RGS9: variants seen among roughly 807,000 people sequenced by gnomAD.
The protein encoded by RGS9 is regulator of G-protein signalling 9.
In RGS9, 78 loss-of-function variants were observed where a neutral mutation model predicts 102.0. The ratio of observed to expected loss-of-function variants is 0.76; its 90% CI spans 0.64 to 0.92. RGS9 has a LOEUF of 0.92. RGS9 is among the 40% of genes least tolerant of loss of function. The pLI is 0.00. For missense variants in RGS9, 833 were observed against 866.1 expected, an observed-to-expected ratio of 0.96 and a Z score of 0.48; for synonymous variants, 353 against 318.6, an observed-to-expected ratio of 1.11 and a Z score of -1.15.
chr17:65,195,765 G>T (rs962591746), intron 12 of RGS9, among the ~76,000 whole-genome samples: 1 of 152,186 alleles, frequency 6.6e-6, no homozygotes, highest in Non-Finnish European at 1.5e-5. Context: ...TTATTTGGTT[G>T]GCCTGGGTTG....
chr17:65,218,390 T>G (rs753435346), intron 17 of RGS9, among the ~76,000 whole-genome samples: 11 of 152,254 alleles, frequency 7.2e-5, no homozygotes, highest in Non-Finnish European at 1.5e-4. Flanking sequence ...TAAACATCGC[T>G]AAATGAACAC....
At position 65,217,306 on chromosome 17, in the gene RGS9, G is replaced by A. The variant is rs185417228; in HGVS notation, c.1407+6701G>A. Among the ~76,000 whole-genome samples, 14 of 152,338 alleles carry A rather than the reference G, an allele frequency of 9.2e-5. No homozygotes were observed. In the East Asian group the frequency reaches 2.7e-3, roughly 29 times the overall value. ...ATCTCATCCCCTGCTGTGGACCTGG[G>A]AGTCCCTCCTGGCCCACACAGGACT... On this transcript the variant is annotated intron_variant, in intron 17 of 18. Transcript: ENST00000262406.
intron 13 of RGS9, 64 bp downstream of exon 13, chr17:65,197,305 T>C (rs1912634408): frequency 1.9e-6 from 2 of 1,068,328 alleles, no homozygotes; most frequent in Admixed American, 4.0e-5. Flanking sequence ...CTTTAATGTC[T>C]AGCCTAGGGT....
intron 17 of RGS9, 142 bp from the exon 18 acceptor site, chr17:65,224,860 T>A: frequency 1.7e-6 from 2 of 1,146,510 alleles, no homozygotes; most frequent in East Asian, 2.3e-5. Flanking sequence ...TGGACACCGT[T>A]CCCAGCTCCC....
intron 1 of RGS9, among the ~76,000 whole-genome samples, chr17:65,150,649 G>A (rs1910542914): frequency 6.6e-6 from 1 of 152,008 alleles, no homozygotes; most frequent in Non-Finnish European, 1.5e-5. Context: ...ATAAACCTAG[G>A]AGGAGTCCTT....
intron 2 of RGS9, among the ~76,000 whole-genome samples, chr17:65,156,043 A>C (rs578086094): frequency 2.6e-5 from 4 of 151,828 alleles, no homozygotes; most frequent in Non-Finnish European, 5.9e-5. Flanking sequence ...CTTTTTTTTG[A>C]GACAGGGTCT....
chr17:65,157,300 G>T (rs948447810), intron 2 of RGS9, among the ~76,000 whole-genome samples: 1 of 151,924 alleles, frequency 6.6e-6, no homozygotes, highest in Non-Finnish European at 1.5e-5. Context: ...TTCGTTCCAG[G>T]GCACCTTGTC....
intron 15 of RGS9, among the ~76,000 whole-genome samples, chr17:65,207,671 C>A (rs1214913895): frequency 6.6e-6 from 1 of 152,136 alleles, no homozygotes; most frequent in Admixed American, 6.5e-5. Context: ...GGGTGAATCA[C>A]TCCCAGAGTT....
chr17:65,168,237 C>A lies in RGS9; in HGVS notation c.538C>A (p.Leu180Met). The A allele has an allele frequency of 6.2e-7, 1 of 1,611,652 alleles. No homozygotes were observed. The highest frequency in any genetic ancestry group is 1.1e-5 in the South Asian group (1 of 90,200). Residue 180 changes from leucine (L) to methionine (M), a missense_variant, in exon 8 of 19, where the codon CTG becomes ATG. This residue lies in a region of RGS9 where 328 missense variants were observed against 340.6 expected (regional missense o/e 0.96). Coordinates refer to ENST00000262406, the MANE Select transcript of RGS9 (RefSeq NM_003835.4). The part of the protein sequence containing the change: ...KERNKADRYA[L>M]DCQEKAYWLV... ...GAGGAACAAAGCAGACAGATATGCC[C>A]TGGACTGCCAGGAGAAGGCATACTG...
chr17:65,196,497 A>G (rs768522518), intron 12 of RGS9, among the ~76,000 whole-genome samples: 3 of 152,244 alleles, frequency 2.0e-5, no homozygotes, highest in Non-Finnish European at 4.4e-5. Context: ...GCTGGGCTCG[A>G]ATATCCTACC....
At chr17:65,144,474 G>T (rs950745753) in intron 1 of RGS9, among the ~76,000 whole-genome samples, 3 of 152,216 alleles carry the variant, frequency 2.0e-5, no homozygotes, top group Admixed American at 1.3e-4. Context: ...GAAAGGTGCA[G>T]CTGACACCCT....
chr17:65,193,666 T>C lies in RGS9; in HGVS notation c.860+10T>C. ...ACTTAAATGCCAAATTGTATGTATTTTATATATTGGTGTTTTTTAAAAAAC... is the reference window on the plus strand; with the variant it reads ...ACTTAAATGCCAAATTGTATGTATTCTATATATTGGTGTTTTTTAAAAAAC... On this transcript the variant is annotated intron_variant, in intron 12 of 18. Transcript: ENST00000262406. 2 of 1,554,794 alleles carry C rather than the reference T, an allele frequency of 1.3e-6. No individual in the cohort carries two copies. The highest frequency in any genetic ancestry group is 1.8e-6 in the Non-Finnish European group (2 of 1,126,042).
At chr17:65,211,975 C>T (rs563569800) in intron 17 of RGS9, among the ~76,000 whole-genome samples, 39 of 152,212 alleles carry the variant, frequency 2.6e-4, no homozygotes, top group Admixed American at 2.6e-4. Context: ...TGGGTCCACT[C>T]ATCTGTCTAG....
intron 12 of RGS9, among the ~76,000 whole-genome samples, chr17:65,193,878 G>T (rs1327720136): frequency 2.0e-5 from 3 of 152,082 alleles, no homozygotes; most frequent in Non-Finnish European, 2.9e-5. Flanking sequence ...GGATTTGTCT[G>T]TCTGGACATT....
At chr17:65,187,901 C>T (rs1404425607) in intron 9 of RGS9, among the ~76,000 whole-genome samples, 1 of 152,182 alleles carries the variant, frequency 6.6e-6, no homozygotes, top group Non-Finnish European at 1.5e-5. Context: ...GAGACTGAAG[C>T]AGGAGAATCA....
Position 65,154,565 on chromosome 17 carries a change from G to T in RGS9, c.154+1047G>T, listed in dbSNP as rs78082195. ...GCAGAAAAAAGTTGGCCTTTGTTTT[G>T]CTCCACCGTTTACCTTCTAATTCAT... On this transcript the variant is annotated intron_variant, in intron 2 of 18. Transcript: ENST00000262406. 2.0e-3 allele frequency among the ~76,000 whole-genome samples: 297 copies of T among 152,066 alleles called. 1 individual carries two copies. The highest frequency in any genetic ancestry group is 7.0e-3 in the African/African-American group (291 of 41,444).
At chr17:65,138,620 G>A (rs1200234753) in intron 1 of RGS9, among the ~76,000 whole-genome samples, 2 of 152,024 alleles carry the variant, frequency 1.3e-5, no homozygotes, top group Non-Finnish European at 2.9e-5. Context: ...AAAGCAGACA[G>A]GCTGAATGTT....
intron 13 of RGS9, among the ~76,000 whole-genome samples, chr17:65,198,259 C>CTT (rs56726922): frequency 5.5e-5 from 8 of 145,370 alleles, no homozygotes; most frequent in Non-Finnish European, 1.2e-4. Flanking sequence ...GGAACTGTGA[C>CTT]TTTTTTTTTT....
intron 1 of RGS9, among the ~76,000 whole-genome samples, chr17:65,150,419 C>T (rs895729092): frequency 7.9e-5 from 12 of 151,912 alleles, no homozygotes; most frequent in Non-Finnish European, 1.3e-4. Flanking sequence ...GTCAGGAGTT[C>T]GAGACCAGCC....
Sources: gnomAD v4.1 joint callset for allele counts (sites outside exome capture counted in the v4.1 genomes callset) on GRCh38, gnomAD v4.1.1 for gene constraint, gnomAD v4.1.1 regional missense constraint, MANE v1.5 for transcripts, NCBI Gene and HGNC (gene_info 2026-07-23, HGNC 2026-07-21) for gene names.